Variants in SORCS2 observed in about 807,000 individuals in gnomAD.
SORCS2 encodes VPS10 domain-containing receptor SorCS2.
Under a neutral mutation model 141.6 loss-of-function variants are expected in SORCS2, and 100 were observed. The ratio of observed to expected loss-of-function variants is 0.71; its 90% CI spans 0.60 to 0.83. SORCS2 has a LOEUF of 0.83. Ranked by LOEUF, SORCS2 falls within the 40% of genes least tolerant of loss-of-function variation. The pLI is 0.00. For synonymous variants in SORCS2, 789 were observed against 676.9 expected, an observed-to-expected ratio of 1.17 and a Z score of -2.57; for missense variants, 1,646 against 1,560.2, an observed-to-expected ratio of 1.05 and a Z score of -0.93.
At chr4:7,362,094 C>A (rs1721616255) in intron 1 of SORCS2, among the ~76,000 whole-genome samples, 2 of 151,976 alleles carry the variant, frequency 1.3e-5, no homozygotes, top group African/African-American at 4.8e-5. Context: ...TGATCTTGGT[C>A]CAGAGAGACA....
At chr4:7,240,411 A>T (rs1389300875) in intron 1 of SORCS2, among the ~76,000 whole-genome samples, 2 of 152,216 alleles carry the variant, frequency 1.3e-5, no homozygotes, top group Non-Finnish European at 2.9e-5. Context: ...ACGCGGGGCC[A>T]TCCAGGGTGT....
At chr4:7,669,467 C>T (rs1722676565) in intron 8 of SORCS2, among the ~76,000 whole-genome samples, 1 of 152,138 alleles carries the variant, frequency 6.6e-6, no homozygotes, top group African/African-American at 2.4e-5. Context: ...GCCCAGCCAG[C>T]CAGCTAGCCT....
At chr4:7,713,904 G>C (rs1725997824) in intron 15 of SORCS2, among the ~76,000 whole-genome samples, 1 of 152,224 alleles carries the variant, frequency 6.6e-6, no homozygotes, top group Admixed American at 6.5e-5. Context: ...GTGTGCCTGT[G>C]AGCCCTCGAG....
At chr4:7,533,175 T>C (rs58493146) in intron 3 of SORCS2, among the ~76,000 whole-genome samples, 6,701 of 152,190 alleles carry the variant, frequency 0.044, 486 homozygotes, top group African/African-American at 0.15. Flanking sequence ...GGGGCCTGGA[T>C]TTGAACCCAG....
intron 1 of SORCS2, among the ~76,000 whole-genome samples, chr4:7,196,502 A>C (rs559808078): frequency 3.3e-5 from 5 of 152,068 alleles, no homozygotes; most frequent in Non-Finnish European, 7.4e-5. Flanking sequence ...TTGATCCTCA[A>C]CTTTGAAGCT....
intron 18 of SORCS2, among the ~76,000 whole-genome samples, chr4:7,722,037 T>C (rs1726620813): frequency 6.6e-6 from 1 of 152,234 alleles, no homozygotes; most frequent in Non-Finnish European, 1.5e-5. Flanking sequence ...ACCTTGAGAA[T>C]ATACTACTTT....
At chr4:7,556,177 G>A (rs1423757097) in intron 3 of SORCS2, among the ~76,000 whole-genome samples, 1 of 152,178 alleles carries the variant, frequency 6.6e-6, no homozygotes, top group Non-Finnish European at 1.5e-5. Context: ...GGGGTGATGG[G>A]GGTCTGGACA....
chr4:7,491,521 G>A (rs1486445870), intron 2 of SORCS2, among the ~76,000 whole-genome samples: 3 of 152,206 alleles, frequency 2.0e-5, no homozygotes, highest in African/African-American at 2.4e-5. Context: ...CTCATTTCAC[G>A]CTGCTGACTG....
chr4:7,397,735 A>G (rs1411423621), intron 2 of SORCS2, among the ~76,000 whole-genome samples: 2 of 152,088 alleles, frequency 1.3e-5, no homozygotes, highest in Non-Finnish European at 2.9e-5. Flanking sequence ...TTGAAAATGT[A>G]TGTTCCAAGG....
intron 1 of SORCS2, among the ~76,000 whole-genome samples, chr4:7,385,594 C>T (rs993043018): frequency 6.6e-6 from 1 of 152,194 alleles, no homozygotes; most frequent in Non-Finnish European, 1.5e-5. Context: ...AAGGCCTGTG[C>T]TCTTCCATGG....
intron 1 of SORCS2, among the ~76,000 whole-genome samples, chr4:7,303,547 G>A (rs1212744597): frequency 6.6e-6 from 1 of 152,022 alleles, no homozygotes; most frequent in Non-Finnish European, 1.5e-5. Flanking sequence ...TTTTATCTAC[G>A]CTTGAGTGAC....
chr4:7,327,811 C>A (rs969155892), intron 1 of SORCS2, among the ~76,000 whole-genome samples: 1 of 152,024 alleles, frequency 6.6e-6, no homozygotes, highest in African/African-American at 2.4e-5. Context: ...CCGCCCCCCC[C>A]AACCCCGCCC....
At chr4:7,250,842 C>T (rs186792957) in intron 1 of SORCS2, among the ~76,000 whole-genome samples, 1 of 152,398 alleles carries the variant, frequency 6.6e-6, no homozygotes, top group East Asian at 1.9e-4. Flanking sequence ...CCCAGGCTTT[C>T]GCTGAAGGCG....
intron 3 of SORCS2, among the ~76,000 whole-genome samples, chr4:7,618,001 A>G (rs769876150): frequency 6.6e-6 from 1 of 151,888 alleles, no homozygotes; most frequent in Non-Finnish European, 1.5e-5. Context: ...TCATGGCTTC[A>G]GATATTATGT....
intron 1 of SORCS2, among the ~76,000 whole-genome samples, chr4:7,204,891 C>T (rs977597218): frequency 2.6e-5 from 4 of 152,228 alleles, no homozygotes; most frequent in Admixed American, 6.5e-5. Context: ...CATTGCTCGG[C>T]GCGGCCGCGC....
intron 2 of SORCS2, among the ~76,000 whole-genome samples, chr4:7,421,223 C>T (rs1726023323): frequency 6.6e-6 from 1 of 152,224 alleles, no homozygotes; most frequent in Non-Finnish European, 1.5e-5. Flanking sequence ...CCACCTGGGT[C>T]ATCTGGTGCA....
At chr4:7,675,963 C>G (rs1001600866) in intron 8 of SORCS2, 87 bp from the exon 9 acceptor site, 11 of 1,450,554 alleles carry the variant, frequency 7.6e-6, no homozygotes, top group Non-Finnish European at 6.5e-6. Flanking sequence ...GTCTTCTGCA[C>G]CCTCACGGCC....
chr4:7,716,682 A>ACCGT (rs758969152), intron 17 of SORCS2, among the ~76,000 whole-genome samples: 2 of 47,406 alleles, frequency 4.2e-5, no homozygotes, highest in South Asian at 1.3e-3. Flanking sequence ...TCATTCATTC[A>ACCGT]CCGTCCATCC....
chr4:7,637,766 C>T (rs983286392), intron 3 of SORCS2, among the ~76,000 whole-genome samples: 8 of 151,716 alleles, frequency 5.3e-5, no homozygotes, highest in African/African-American at 1.2e-4. Context: ...TAGGCTGAGC[C>T]GGCTGAGTTG....
Sources: allele counts gnomAD v4.1 joint callset (sites outside exome capture counted in the v4.1 genomes callset), GRCh38; gene constraint gnomAD v4.1.1; transcripts MANE v1.5; gene names NCBI Gene and HGNC (gene_info 2026-07-23, HGNC 2026-07-21).